FSHR: variants seen among roughly 807,000 people sequenced by gnomAD.
FSHR encodes the protein follicle-stimulating hormone receptor.
Under a neutral mutation model 52.1 loss-of-function variants are expected in FSHR, and 46 were observed. That is an observed-to-expected ratio of 0.88 (90% confidence interval 0.70 to 1.13). The LOEUF (loss-of-function observed/expected upper bound fraction) is 1.13. FSHR is among the 50% of genes most tolerant of loss of function. The probability of loss-of-function intolerance (pLI) is 0.00; values close to 1 mark genes in which losing one functional copy is unlikely to be tolerated. For missense variants in FSHR, 964 were observed against 834.6 expected (o/e 1.16, Z -1.91); for synonymous variants, 399 against 309.6 (o/e 1.29, Z -3.03).
chr2:49,075,070 G>A (rs1669897855), intron 1 of FSHR, among the ~76,000 whole-genome samples: 1 of 152,086 alleles, frequency 6.6e-6, no homozygotes, highest in African/African-American at 2.4e-5. Flanking sequence ...GGAGAGATTT[G>A]TTAAAGGATA....
chr2:49,053,643 G>T (rs1249501700), intron 2 of FSHR, among the ~76,000 whole-genome samples: 1 of 152,132 alleles, frequency 6.6e-6, no homozygotes, highest in African/African-American at 2.4e-5. Flanking sequence ...GGCATGAACA[G>T]TGGCCATTTC....
chr2:49,018,804 A>G (rs1667589165), intron 3 of FSHR, among the ~76,000 whole-genome samples: 1 of 151,420 alleles, frequency 6.6e-6, no homozygotes, highest in Non-Finnish European at 1.5e-5. Flanking sequence ...CCAAATGAGC[A>G]GACTAAAGAA....
At chr2:49,022,943 G>A (rs890310586) in intron 2 of FSHR, among the ~76,000 whole-genome samples, 4 of 152,134 alleles carry the variant, frequency 2.6e-5, no homozygotes, top group African/African-American at 7.2e-5. Context: ...TCATTGGGAA[G>A]GTCTTGACTG....
intron 1 of FSHR, among the ~76,000 whole-genome samples, chr2:49,132,969 A>G (rs918531091): frequency 1.3e-3 from 5 of 3,958 alleles, no homozygotes; most frequent in Non-Finnish European, 3.9e-3. Context: ...AAAACTCAGT[A>G]AAAAAAAAAA....
chr2:49,088,678 A>C (rs1387075206), intron 1 of FSHR, among the ~76,000 whole-genome samples: 1 of 152,160 alleles, frequency 6.6e-6, no homozygotes, highest in Non-Finnish European at 1.5e-5. Flanking sequence ...CTCAAGATGC[A>C]ATAATGTGAG....
chr2:49,055,879 C>G (rs1225577331), intron 2 of FSHR, among the ~76,000 whole-genome samples: 1 of 152,014 alleles, frequency 6.6e-6, no homozygotes, highest in East Asian at 1.9e-4. Flanking sequence ...TTGATCACAA[C>G]TAGACCTGCC....
At chr2:49,068,124 G>T (rs774912481) in intron 2 of FSHR, 95 bp downstream of exon 2, 1 of 916,944 alleles carries the variant, frequency 1.1e-6, no homozygotes, top group Non-Finnish European at 1.8e-6. Context: ...ATGTCAGTTC[G>T]GCTACTAAGT....
At position 49,020,131 on chromosome 2, in the gene FSHR, A is replaced by G. The variant is rs1205166456; in HGVS notation, c.254T>C (p.Val85Ala). 4 of 1,613,564 alleles carry G rather than the reference A, an allele frequency of 2.5e-6. No homozygotes were observed. The South Asian group carries it at 3.3e-5, about 13-fold the overall frequency. Residue 85 changes from valine (V) to alanine (A), a missense_variant, in exon 3 of 10, where the codon GTG becomes GCG. Physicochemically the swap from Val to Ala is moderately conservative, Grantham distance 64. Transcript: ENST00000406846. Reference sequence around the variant, plus strand: ...GTTGGAGAACACATCTGCCTCTATCACCTCCAAGACATCATTCTGAGAGAT... The same window carrying G: ...GTTGGAGAACACATCTGCCTCTATCGCCTCCAAGACATCATTCTGAGAGAT... ...IEISQNDVLE[V>A]IEADVFSNLP...
chr2:49,105,658 G>A (rs1020696657), intron 1 of FSHR, among the ~76,000 whole-genome samples: 1 of 152,082 alleles, frequency 6.6e-6, no homozygotes, highest in African/African-American at 2.4e-5. Flanking sequence ...GCCCATCCCA[G>A]TCTCCACATT....
chr2:49,010,970 A>G (rs1048130295), intron 4 of FSHR, among the ~76,000 whole-genome samples: 1 of 151,602 alleles, frequency 6.6e-6, no homozygotes, highest in African/African-American at 2.4e-5. Context: ...TGATCCTTTC[A>G]AAAAACCAGC....
At chr2:49,087,073 T>TTTTTTTG (rs1558433792) in intron 1 of FSHR, among the ~76,000 whole-genome samples, 1 of 137,406 alleles carries the variant, frequency 7.3e-6, no homozygotes, top group East Asian at 2.1e-4. Context: ...GGGCAGGGTT[T>TTTTTTTG]TTTTTTTTTT....
At chr2:49,120,792 C>A (rs1476015211) in intron 1 of FSHR, among the ~76,000 whole-genome samples, 3 of 152,240 alleles carry the variant, frequency 2.0e-5, no homozygotes, top group African/African-American at 7.2e-5. Context: ...GAGCTTACCA[C>A]ATTTGCTGAC....
At chr2:48,982,891 G>A in intron 8 of FSHR, 21 bp downstream of exon 8, 4 of 1,600,164 alleles carry the variant, frequency 2.5e-6, no homozygotes, top group Non-Finnish European at 2.6e-6. Flanking sequence ...CTTACACACA[G>A]AAATGGGGAA....
chr2:49,132,910 C>T (rs941411996), intron 1 of FSHR, among the ~76,000 whole-genome samples: 3 of 144,798 alleles, frequency 2.1e-5, no homozygotes, highest in African/African-American at 7.8e-5. Context: ...TGAAATGGTC[C>T]TAAGGGCAAA....
intron 1 of FSHR, among the ~76,000 whole-genome samples, chr2:49,074,320 C>T (rs1669868284): frequency 6.6e-6 from 1 of 151,762 alleles, no homozygotes; most frequent in South Asian, 2.1e-4. Context: ...ATCTCAACAG[C>T]AAAAAAACAA....
intron 2 of FSHR, among the ~76,000 whole-genome samples, chr2:49,064,317 C>A (rs142107106): frequency 1.8e-4 from 25 of 137,990 alleles, no homozygotes; most frequent in African/African-American, 6.4e-4. Flanking sequence ...GGAAATGTGG[C>A]CTTTTGAGAG....
intron 1 of FSHR, among the ~76,000 whole-genome samples, chr2:49,072,408 A>G (rs1467636451): frequency 6.6e-6 from 1 of 152,194 alleles, no homozygotes; most frequent in African/African-American, 2.4e-5. Flanking sequence ...GATTTAAATT[A>G]TTGTACCAGA....
rs777562064 is a variant in FSHR, at chr2:48,982,895, T to TG, written c.668+16dup. 33 of 1,602,674 alleles carry TG rather than the reference T, an allele frequency of 2.1e-5. 1 individual carries two copies. Among genetic ancestry groups the TG allele is most frequent in the Non-Finnish European group, 2.7e-5 (31 of 1,169,746 alleles). On this transcript the variant is annotated intron_variant, in intron 8 of 9. Transcript: ENST00000406846. Reference sequence around the variant, plus strand: ...CAAACTGAGCTCTTACACACAGAAATGGGGAAAGCTACTCACAGAATGACT... The same window carrying TG: ...CAAACTGAGCTCTTACACACAGAAATGGGGGAAAGCTACTCACAGAATGACT...
intron 2 of FSHR, among the ~76,000 whole-genome samples, chr2:49,055,761 A>C (rs1389031489): frequency 1.3e-5 from 2 of 152,002 alleles, no homozygotes; most frequent in Non-Finnish European, 2.9e-5. Flanking sequence ...ATATATTCAA[A>C]GTACTAAAAG....
Sources: gnomAD v4.1 joint callset for allele counts (sites outside exome capture counted in the v4.1 genomes callset) on GRCh38, gnomAD v4.1.1 for gene constraint, MANE v1.5 for transcripts, NCBI Gene and HGNC (gene_info 2026-07-23, HGNC 2026-07-21) for gene names.